NTM: variants seen among roughly 807,000 people sequenced by gnomAD.
The protein encoded by NTM is neurotrimin.
A neutral mutation model predicts 42.1 loss-of-function variants in NTM; 13 were observed. The ratio of observed to expected loss-of-function variants is 0.31; its 90% CI spans 0.20 to 0.49. The LOEUF is 0.49. NTM is among the 20% of genes least tolerant of loss of function. The pLI, the probability that NTM is intolerant of heterozygous loss-of-function variation, is 0.99. For missense variants in NTM, 373 were observed against 452.8 expected (o/e 0.82, Z 1.60); for synonymous variants, 187 against 179.2 (o/e 1.04, Z -0.35).
chr11:131,443,310 G>A (rs1258506196), intron 1 of NTM, among the ~76,000 whole-genome samples: 1 of 152,164 alleles, frequency 6.6e-6, no homozygotes, highest in Non-Finnish European at 1.5e-5. Context: ...ATAAAGAAGA[G>A]GGAAAGAAGA....
chr11:132,329,520 G>A (rs2095756545), intron 7 of NTM, among the ~76,000 whole-genome samples: 1 of 152,198 alleles, frequency 6.6e-6, no homozygotes, highest in Non-Finnish European at 1.5e-5. Flanking sequence ...CCAGAGAGAT[G>A]AAGCCCTGTG....
intron 3 of NTM, among the ~76,000 whole-genome samples, chr11:132,191,337 CCT>C (rs2079290843): frequency 6.6e-6 from 1 of 152,180 alleles, no homozygotes; most frequent in African/African-American, 2.4e-5. Context: ...CAGTGCTCAA[CCT>C]CAAGGAGACA....
At chr11:131,964,660 C>T (rs1704869725) in intron 2 of NTM, among the ~76,000 whole-genome samples, 2 of 152,180 alleles carry the variant, frequency 1.3e-5, no homozygotes, top group Non-Finnish European at 2.9e-5. Flanking sequence ...TCCTGTTAGG[C>T]ATCATTGTCC....
At chr11:132,046,362 A>T (rs1406258946) in intron 2 of NTM, among the ~76,000 whole-genome samples, 1 of 150,478 alleles carries the variant, frequency 6.6e-6, no homozygotes, top group Non-Finnish European at 1.5e-5. Flanking sequence ...TGTTTTAAGT[A>T]AAAATAAATA....
chr11:131,834,564 A>C (rs575704844), intron 1 of NTM, among the ~76,000 whole-genome samples: 12 of 149,666 alleles, frequency 8.0e-5, no homozygotes, highest in Non-Finnish European at 1.8e-4. Flanking sequence ...CATCATAATA[A>C]TCATCATCAT....
intron 1 of NTM, among the ~76,000 whole-genome samples, chr11:131,782,048 T>C (rs574329354): frequency 6.6e-6 from 1 of 152,306 alleles, no homozygotes; most frequent in East Asian, 1.9e-4. Flanking sequence ...TGGAGAGATT[T>C]TATTGAGCAA....
At chr11:131,512,848 A>G (rs967324155) in intron 1 of NTM, among the ~76,000 whole-genome samples, 2 of 145,156 alleles carry the variant, frequency 1.4e-5, no homozygotes, top group African/African-American at 5.1e-5. Flanking sequence ...GGACAGCCCC[A>G]TGCCCCCCAC....
chr11:132,199,481 T>C (rs2080822603), intron 3 of NTM, among the ~76,000 whole-genome samples: 1 of 152,196 alleles, frequency 6.6e-6, no homozygotes, highest in Admixed American at 6.5e-5. Context: ...CAGTTCTCAA[T>C]AGCAAGAGAA....
intron 1 of NTM, among the ~76,000 whole-genome samples, chr11:131,753,677 G>A (rs1447738973): frequency 1.3e-5 from 2 of 151,510 alleles, no homozygotes; most frequent in African/African-American, 4.9e-5. Context: ...TCACTCATAG[G>A]TGGGAATTGA....
rs2069722841 is a variant in NTM at position 132,003,087 on chromosome 11, G to A, written c.167+91439G>A. 6.6e-6 allele frequency among the ~76,000 whole-genome samples: 1 copy of A among 152,064 alleles called. No homozygotes were observed. The highest frequency in any genetic ancestry group is 2.4e-5 in the African/African-American group (1 of 41,386). ...AACAGTAAGATGCGCTGCCACAGTTGTGTGTGTAATTGACTTTTATAGTCA... is the reference window on the plus strand; with the variant it reads ...AACAGTAAGATGCGCTGCCACAGTTATGTGTGTAATTGACTTTTATAGTCA... On this transcript the variant is annotated intron_variant, in intron 2 of 8. Transcript: ENST00000683400. This position sits in a 1 kb window ranked among gnomAD's most constrained non-coding sequence, Gnocchi z 6.0.
At chr11:131,959,114 C>T (rs1424941670) in intron 2 of NTM, among the ~76,000 whole-genome samples, 2 of 152,276 alleles carry the variant, frequency 1.3e-5, no homozygotes, top group East Asian at 3.9e-4. Context: ...ATGTGTATGG[C>T]CCAAGTGGAT....
intron 1 of NTM, among the ~76,000 whole-genome samples, chr11:131,492,553 C>T (rs755946284): frequency 3.3e-5 from 5 of 152,156 alleles, no homozygotes; most frequent in Non-Finnish European, 7.3e-5. Context: ...AAGCCACACT[C>T]TCTCCTGCAC....
At chr11:131,963,024 C>T (rs565339318) in intron 2 of NTM, among the ~76,000 whole-genome samples, 19 of 152,270 alleles carry the variant, frequency 1.2e-4, no homozygotes, top group East Asian at 3.9e-4. Context: ...CAGCCTGGGA[C>T]GCCCACTTCC....
chr11:131,592,687 C>CACACACACACA (rs2059484127), intron 1 of NTM, among the ~76,000 whole-genome samples: 1 of 136,478 alleles, frequency 7.3e-6, no homozygotes, highest in Non-Finnish European at 1.6e-5. Context: ...CACACACACA[C>CACACACACACA]CATAGTTCAA....
At chr11:131,400,738 T>C (rs1181705934) in intron 1 of NTM, among the ~76,000 whole-genome samples, 1 of 152,198 alleles carries the variant, frequency 6.6e-6, no homozygotes, top group Non-Finnish European at 1.5e-5. Flanking sequence ...TGTAAGCTGA[T>C]ACCTAAGTTC....
At chr11:132,268,929 GAC>G (rs1256012579) in intron 4 of NTM, among the ~76,000 whole-genome samples, 1 of 152,060 alleles carries the variant, frequency 6.6e-6, no homozygotes. Flanking sequence ...TGATGACCCA[GAC>G]ATGGTCAGTC....
chr11:132,144,578 C>A (rs1350482873), intron 2 of NTM, among the ~76,000 whole-genome samples: 1 of 152,156 alleles, frequency 6.6e-6, no homozygotes. Flanking sequence ...GTGTGTATGA[C>A]CCAACTGAGA....
chr11:131,914,046 G>T (rs1215781366), intron 2 of NTM, among the ~76,000 whole-genome samples: 1 of 152,186 alleles, frequency 6.6e-6, no homozygotes, highest in African/African-American at 2.4e-5. Context: ...CTGCCCTGCT[G>T]GGATGGACTT....
intron 1 of NTM, among the ~76,000 whole-genome samples, chr11:131,876,848 C>T (rs2048605427): frequency 6.6e-6 from 1 of 151,778 alleles, no homozygotes; most frequent in African/African-American, 2.4e-5. Flanking sequence ...GTTTTATGAA[C>T]ACAAAGCATA....
Sources: allele counts gnomAD v4.1 joint callset (sites outside exome capture counted in the v4.1 genomes callset), GRCh38; gene constraint gnomAD v4.1.1; non-coding constraint Gnocchi (gnomAD v3.1); transcripts MANE v1.5; gene names NCBI Gene and HGNC (gene_info 2026-07-23, HGNC 2026-07-21).